Variants in MGAT4C observed in about 807,000 individuals in gnomAD.
MGAT4C encodes the protein MGAT4 family member C.
MGAT4C carries 19 observed loss-of-function variants against 40.1 expected under a neutral mutation model. The observed-to-expected ratio is 0.47, with a 90% CI of 0.33 to 0.70. The LOEUF (loss-of-function observed/expected upper bound fraction) is 0.70. MGAT4C is among the 30% of genes least tolerant of loss of function. The pLI is 0.02. For synonymous variants in MGAT4C, 181 were observed against 187.1 expected (o/e 0.97, Z 0.27); for missense variants, 491 against 563.2 (o/e 0.87, Z 1.30).
chr12:86,269,013 C>CATATAA (rs1272561067), intron 4 of MGAT4C, among the ~76,000 whole-genome samples: 2 of 74,688 alleles, frequency 2.7e-5, no homozygotes, highest in African/African-American at 1.1e-4. Flanking sequence ...TTCATACTTA[C>CATATAA]ATATATATAT....
At chr12:86,422,635 G>A (rs2136258260) in intron 3 of MGAT4C, among the ~76,000 whole-genome samples, 1 of 152,118 alleles carries the variant, frequency 6.6e-6, no homozygotes, top group South Asian at 2.1e-4. Flanking sequence ...AATTTAAAAA[G>A]AATCATAAAA....
At chr12:86,191,110 C>T (rs1197252007) in intron 1 of MGAT4C, among the ~76,000 whole-genome samples, 1 of 147,234 alleles carries the variant, frequency 6.8e-6, no homozygotes, top group African/African-American at 2.6e-5. Flanking sequence ...CACACACACA[C>T]ACACACACAC....
At chr12:86,638,364 C>A (rs1434580412) in intron 2 of MGAT4C, among the ~76,000 whole-genome samples, 2 of 151,746 alleles carry the variant, frequency 1.3e-5, no homozygotes, top group African/African-American at 2.4e-5. Flanking sequence ...CATCTAGAGG[C>A]CCTGTTATGG....
At chr12:86,157,597 T>C (rs1242791556) in intron 1 of MGAT4C, among the ~76,000 whole-genome samples, 1 of 152,026 alleles carries the variant, frequency 6.6e-6, no homozygotes, top group African/African-American at 2.4e-5. Context: ...GATTGGGTTA[T>C]TTATAAAGAA....
rs560536731 is a variant in MGAT4C at position 86,142,722 on chromosome 12, G to GT, written c.-56-93000dup. Among the ~76,000 whole-genome samples the GT allele has an allele frequency of 8.5e-4, 120 of 141,836 alleles. 1 individual carries two copies. Among genetic ancestry groups the GT allele is most frequent in the African/African-American group, 1.7e-3 (65 of 37,672 alleles). The allele number at this position is 141,836 out of a possible 152,430, so 93.0% of individuals were successfully genotyped here. On this transcript the variant is annotated intron_variant, in intron 1 of 4. Transcript: ENST00000611864. Reference sequence around the variant, plus strand: ...TTGTGGTCCATTCTTTTTTTTTTTTGTTTTTTTTGTGGAGGGTTGGGGGTT... The same window carrying GT: ...TTGTGGTCCATTCTTTTTTTTTTTTGTTTTTTTTTGTGGAGGGTTGGGGGTT...
At chr12:86,123,651 TTTGA>T (rs1879804537) in intron 1 of MGAT4C, among the ~76,000 whole-genome samples, 1 of 152,132 alleles carries the variant, frequency 6.6e-6, no homozygotes, top group African/African-American at 2.4e-5. Flanking sequence ...TTCATATTTC[TTTGA>T]AATTCCAGTG....
At chr12:86,828,871 T>G (rs1164608440) in intron 1 of MGAT4C, among the ~76,000 whole-genome samples, 1 of 151,542 alleles carries the variant, frequency 6.6e-6, no homozygotes, top group African/African-American at 2.4e-5. Context: ...GGACTATAAG[T>G]GGACACGTGG....
chr12:86,345,542 TG>T (rs926547540), intron 3 of MGAT4C, among the ~76,000 whole-genome samples: 43 of 152,110 alleles, frequency 2.8e-4, no homozygotes, highest in Non-Finnish European at 1.0e-4. Flanking sequence ...TTTTTGTCCT[TG>T]CAATAGTTTG....
In MGAT4C at chr12:86,715,175, T is replaced by C. The variant is rs189645177; in HGVS notation, c.-229+12034A>G. On this transcript the variant is annotated intron_variant, in intron 2 of 7. Transcript: ENST00000548651. ...GGCATGTTTATCCCCACACAAAATC[T>C]TTTAAACAAGTTTTCAAGAATCTGA... 2.2e-3 allele frequency among the ~76,000 whole-genome samples: 338 copies of C among 152,270 alleles called. 1 individual carries two copies. Among genetic ancestry groups the C allele is most frequent in the African/African-American group, 7.8e-3 (325 of 41,568 alleles).
At chr12:86,072,300 C>CT (rs1311278308) in intron 1 of MGAT4C, among the ~76,000 whole-genome samples, 1 of 151,874 alleles carries the variant, frequency 6.6e-6, no homozygotes. Context: ...AAAGTAAGAG[C>CT]TTTTTTAGAA....
chr12:86,610,737 C>G (rs964897349), intron 2 of MGAT4C, among the ~76,000 whole-genome samples: 5 of 146,496 alleles, frequency 3.4e-5, no homozygotes, highest in African/African-American at 7.6e-5. Context: ...TCCCACCCCC[C>G]TCCCCCTACC....
At chr12:86,074,959 C>A (rs1315577058) in intron 1 of MGAT4C, among the ~76,000 whole-genome samples, 1 of 152,136 alleles carries the variant, frequency 6.6e-6, no homozygotes, top group African/African-American at 2.4e-5. Context: ...GGGGACACAG[C>A]CAAACCATAT....
chr12:86,752,978 T>C (rs1430985121), intron 1 of MGAT4C, among the ~76,000 whole-genome samples: 1 of 152,154 alleles, frequency 6.6e-6, no homozygotes, highest in East Asian at 1.9e-4. Flanking sequence ...AGAACTTCTA[T>C]AACCTTGAGT....
chr12:86,197,728 G>T (rs999776702), intron 1 of MGAT4C, among the ~76,000 whole-genome samples: 98 of 152,120 alleles, frequency 6.4e-4, no homozygotes, highest in African/African-American at 2.1e-3. Flanking sequence ...ATAGAGAGAT[G>T]ATAGCACATT....
chr12:86,653,674 A>C (rs1449149682), intron 2 of MGAT4C, among the ~76,000 whole-genome samples: 1 of 151,958 alleles, frequency 6.6e-6, no homozygotes, highest in African/African-American at 2.4e-5. Context: ...GTATAACAAT[A>C]GTAATACTTA....
At chr12:86,638,304 G>A (rs1226215510) in intron 2 of MGAT4C, among the ~76,000 whole-genome samples, 2 of 151,738 alleles carry the variant, frequency 1.3e-5, no homozygotes, top group Non-Finnish European at 2.9e-5. Flanking sequence ...CTATGAGAAA[G>A]GCTTTTAGAC....
intron 2 of MGAT4C, among the ~76,000 whole-genome samples, chr12:86,045,438 A>G (rs549652532): frequency 6.6e-6 from 1 of 152,326 alleles, no homozygotes; most frequent in African/African-American, 2.4e-5. Context: ...AGGAACATGT[A>G]ACATCTGATC....
chr12:86,525,383 T>C (rs941703886), intron 2 of MGAT4C, among the ~76,000 whole-genome samples: 1 of 152,178 alleles, frequency 6.6e-6, no homozygotes, highest in Non-Finnish European at 1.5e-5. Flanking sequence ...TAAACCTCTT[T>C]CCTTTATAAA....
intron 2 of MGAT4C, among the ~76,000 whole-genome samples, chr12:86,497,116 A>C (rs1958250415): frequency 6.6e-6 from 1 of 152,056 alleles, no homozygotes; most frequent in South Asian, 2.1e-4. Context: ...AGATGGCTAC[A>C]ATTGCTAAGA....
Sources: allele counts gnomAD v4.1 joint callset (sites outside exome capture counted in the v4.1 genomes callset), GRCh38; gene constraint gnomAD v4.1.1; transcripts MANE v1.5; gene names NCBI Gene and HGNC (gene_info 2026-07-23, HGNC 2026-07-21).